TLN2: variants seen among roughly 807,000 people sequenced by gnomAD.
TLN2 encodes the protein talin-2.
In TLN2, 118 loss-of-function variants were observed where a neutral mutation model predicts 294.7. The ratio of observed to expected loss-of-function variants is 0.40; its 90% CI spans 0.34 to 0.47. The LOEUF is 0.47. Among genes scored for constraint, TLN2 ranks in the 20% least tolerant of loss-of-function variants. TLN2 has a pLI of 0.84. For synonymous variants in TLN2, 1,431 were observed against 1,304.5 expected (o/e 1.10, Z -2.09); for missense variants, 3,083 against 3,282.2 (o/e 0.94, Z 1.48).
chr15:62,413,534 A>G lies in TLN2; in HGVS notation c.-238+22849A>G, dbSNP rs375499051. Among the ~76,000 whole-genome samples, 97 of 152,322 alleles carry G rather than the reference A, an allele frequency of 6.4e-4. 1 individual carries two copies. Among genetic ancestry groups the G allele is most frequent in the African/African-American group, 2.3e-3 (94 of 41,568 alleles). On this transcript the variant is annotated intron_variant, in intron 1 of 58. Coordinates refer to ENST00000636159, the MANE Select transcript of TLN2 (RefSeq NM_015059.3). Reference sequence around the variant, plus strand: ...GCTGTTTCTCTTGGCTTGACGCGCCAGATAGAGCGACCTACGGAACACAGA... The same window carrying G: ...GCTGTTTCTCTTGGCTTGACGCGCCGGATAGAGCGACCTACGGAACACAGA...
intron 1 of TLN2, among the ~76,000 whole-genome samples, chr15:62,563,444 T>G (rs1226892653): frequency 1.3e-5 from 2 of 152,166 alleles, no homozygotes; most frequent in African/African-American, 4.8e-5. Context: ...ATGGGCTTAT[T>G]TGTTTTCTTC....
rs1367317978 is a variant in TLN2 at position 62,736,878 on chromosome 15, G to A, written c.3359G>A (p.Gly1120Glu). ...AAATCTGATGGACTTTTTCCCCCAG[G>A]GGTGGCTGCTAGAGAGACGGCCCAA... ...CAAQGNEHYT[G>E]VAARETAQAL... The change falls in exon 29 of 59, where the codon GGG becomes GAG. Residue 1120 changes from glycine to glutamate, a missense_variant and splice_region_variant. Transcript: ENST00000636159. 2.5e-6 allele frequency: 4 copies of A among 1,612,926 alleles called. No individual in the cohort carries two copies. The African/African-American group carries it at 4.0e-5, about 16-fold the overall frequency.
At chr15:62,650,927 A>G (rs1283973967) in intron 5 of TLN2, among the ~76,000 whole-genome samples, 1 of 152,198 alleles carries the variant, frequency 6.6e-6, no homozygotes, top group Non-Finnish European at 1.5e-5. Context: ...TGGTCTTGTC[A>G]TTAATGTATT....
chr15:62,797,541 G>T (rs115303641), intron 48 of TLN2, 139 bp downstream of exon 48: 2 of 1,049,764 alleles, frequency 1.9e-6, no homozygotes, highest in Non-Finnish European at 2.7e-6. Flanking sequence ...TTGAGGAACC[G>T]GTAGGAGGCA....
chr15:62,427,680 C>T (rs2034791069), intron 1 of TLN2, among the ~76,000 whole-genome samples: 1 of 152,160 alleles, frequency 6.6e-6, no homozygotes, highest in South Asian at 2.1e-4. Context: ...GATCTGAGTC[C>T]CTGGTAACCC....
Position 62,797,282 on chromosome 15 carries a change from T to G in TLN2, c.6114T>G (p.Ala2038=). 6.2e-7 allele frequency: 1 copy of G among 1,613,840 alleles called. No individual in the cohort carries two copies. The highest frequency in any genetic ancestry group is 8.5e-7 in the Non-Finnish European group (1 of 1,180,012). The change falls in exon 48 of 59, where the codon GCT becomes GCG. Residue 2038 remains alanine (A), a synonymous_variant. Coordinates refer to ENST00000636159, the MANE Select transcript of TLN2 (RefSeq NM_015059.3). ...VEDTKLLVSG[A]ASTPDKLAQA... ...ACACGAAACTACTTGTGTCAGGAGC[T>G]GCGTCCACTCCTGACAAGCTGGCCC... is the stretch of plus-strand genomic sequence containing the variant.
chr15:62,511,183 T>G (rs1191583048), intron 1 of TLN2, among the ~76,000 whole-genome samples: 2 of 152,244 alleles, frequency 1.3e-5, no homozygotes, highest in Non-Finnish European at 2.9e-5. Flanking sequence ...AAAACAGCTA[T>G]TAGCAGCACT....
rs2065861890 is a variant in TLN2 at position 62,800,511 on chromosome 15, C to T, written c.6360+18C>T. On this transcript the variant is annotated intron_variant, in intron 49 of 58. Coordinates refer to ENST00000636159, the MANE Select transcript of TLN2 (RefSeq NM_015059.3). ...CTGCCAAGGTAGAGTGGGGCTCCGA[C>T]TGGGGATGAGCACCTGAGTTCTCTT... 1.2e-6 allele frequency: 2 copies of T among 1,613,264 alleles called. No homozygotes were observed. Among genetic ancestry groups the T allele is most frequent in the South Asian group, 1.1e-5 (1 of 90,962 alleles).
intron 36 of TLN2, chr15:62,754,132 A>C: frequency 3.7e-6 from 2 of 537,898 alleles, no homozygotes; most frequent in Non-Finnish European, 6.0e-6. Flanking sequence ...GGGTGCCAGA[A>C]GGCAAAAGGA....
Position 62,395,850 on chromosome 15 carries a change from A to ATTT in TLN2, c.-238+5170_-238+5172dup, listed in dbSNP as rs1197775235. Among the ~76,000 whole-genome samples the ATTT allele has an allele frequency of 2.6e-5, 4 of 151,978 alleles. No homozygotes were observed. The East Asian group carries it at 7.7e-4, about 29-fold the overall frequency. ...TTTCTGATTTTTTATTTTTATTTTT[A>ATTT]TTTTTTTGAGATGGTGTCTCAGTCG... On this transcript the variant is annotated intron_variant, in intron 1 of 58. Transcript: ENST00000636159.
At chr15:62,559,013 T>C (rs2042765321) in intron 1 of TLN2, among the ~76,000 whole-genome samples, 1 of 152,188 alleles carries the variant, frequency 6.6e-6, no homozygotes, top group Admixed American at 6.5e-5. Context: ...TAATCCTTCA[T>C]ATTTTGGGGT....
At chr15:62,394,089 A>G (rs2032329269) in intron 1 of TLN2, among the ~76,000 whole-genome samples, 1 of 152,178 alleles carries the variant, frequency 6.6e-6, no homozygotes, top group Non-Finnish European at 1.5e-5. Flanking sequence ...CTGATTCTTA[A>G]TCATCATAAC....
intron 34 of TLN2, among the ~76,000 whole-genome samples, chr15:62,751,087 A>G (rs951111652): frequency 6.6e-6 from 1 of 152,070 alleles, no homozygotes; most frequent in African/African-American, 2.4e-5. Context: ...ACAAAATCTT[A>G]TTCTTTGGCA....
intron 4 of TLN2, 69 bp from the exon 5 acceptor site, chr15:62,650,015 A>G: frequency 6.7e-7 from 1 of 1,495,980 alleles, no homozygotes; most frequent in East Asian, 2.3e-5. Flanking sequence ...CAGCAGGCTC[A>G]GGGCCTGGAA....
At chr15:62,769,059 C>T (rs541385922) in intron 41 of TLN2, among the ~76,000 whole-genome samples, 12 of 152,322 alleles carry the variant, frequency 7.9e-5, no homozygotes, top group East Asian at 5.8e-4. Context: ...ATGGGGGAGC[C>T]GGGCTCCCAT....
intron 1 of TLN2, among the ~76,000 whole-genome samples, chr15:62,519,235 A>G (rs890951953): frequency 6.6e-6 from 1 of 152,182 alleles, no homozygotes; most frequent in Admixed American, 6.5e-5. Context: ...TAAAAGGTAG[A>G]CATTTCCCCA....
chr15:62,421,094 G>A (rs543944434), intron 1 of TLN2, among the ~76,000 whole-genome samples: 2 of 152,252 alleles, frequency 1.3e-5, no homozygotes, highest in African/African-American at 4.8e-5. Flanking sequence ...TTGGTTTGGC[G>A]ATAATTTCCA....
chr15:62,820,342 A>T, intron 53 of TLN2, 144 bp from the exon 54 acceptor site: 1 of 265,666 alleles, frequency 3.8e-6, no homozygotes, highest in Non-Finnish European at 6.4e-6. Context: ...GGCCTTTATG[A>T]GAGACGGAAG....
intron 1 of TLN2, among the ~76,000 whole-genome samples, chr15:62,460,992 A>C (rs2036770695): frequency 6.6e-6 from 1 of 152,120 alleles, no homozygotes; most frequent in Non-Finnish European, 1.5e-5. Context: ...GTTGCCCAGC[A>C]GGCTGGAGTA....
Sources: allele counts gnomAD v4.1 joint callset (sites outside exome capture counted in the v4.1 genomes callset), GRCh38; gene constraint gnomAD v4.1.1; transcripts MANE v1.5; gene names NCBI Gene and HGNC (gene_info 2026-07-23, HGNC 2026-07-21).